The following MCC variants were observed in gnomAD, a reference collection of about 807,000 sequenced individuals.
MCC encodes MCC regulator of Wnt signaling pathway, also known as colorectal mutant cancer protein.
Under a neutral mutation model 116.2 loss-of-function variants are expected in MCC, and 90 were observed. The observed-to-expected ratio is 0.77, with a 90% CI of 0.65 to 0.92. The LOEUF is 0.92. MCC is among the 40% of genes least tolerant of loss of function. MCC has a pLI of 0.00. For missense variants in MCC, 1,516 were observed against 1,312.2 expected (o/e 1.16, Z -2.40); for synonymous variants, 578 against 510.5 (o/e 1.13, Z -1.78).
chr5:113,135,489 G>A (rs1758759252), intron 5 of MCC, among the ~76,000 whole-genome samples: 2 of 148,520 alleles, frequency 1.3e-5, no homozygotes, highest in African/African-American at 4.9e-5. Context: ...AACCTGGGAG[G>A]TGGAGCTTGA....
At chr5:113,123,472 G>T (rs1258356213) in intron 5 of MCC, among the ~76,000 whole-genome samples, 3 of 152,166 alleles carry the variant, frequency 2.0e-5, no homozygotes, top group African/African-American at 7.2e-5. Context: ...CCATTCAATG[G>T]TCTATTTCCT....
chr5:113,151,287 A>G (rs749202938), intron 4 of MCC, 22 bp downstream of exon 4: 1 of 1,474,504 alleles, frequency 6.8e-7, no homozygotes, highest in East Asian at 2.3e-5. Context: ...AAGCAAACTA[A>G]AAACCTTTCC....
At chr5:113,226,542 T>G (rs1051081984) in intron 3 of MCC, among the ~76,000 whole-genome samples, 80 of 152,376 alleles carry the variant, frequency 5.3e-4, no homozygotes, top group African/African-American at 1.9e-3. Flanking sequence ...TGTGTTTAAA[T>G]GCCACAACAT....
At chr5:113,109,382 T>G (rs903542700) in intron 6 of MCC, among the ~76,000 whole-genome samples, 1 of 152,156 alleles carries the variant, frequency 6.6e-6, no homozygotes, top group Non-Finnish European at 1.5e-5. Context: ...CCTGAAAACA[T>G]TATACTAATT....
At chr5:113,248,653 G>C (rs1304840258) in intron 3 of MCC, among the ~76,000 whole-genome samples, 1 of 152,146 alleles carries the variant, frequency 6.6e-6, no homozygotes, top group African/African-American at 2.4e-5. Context: ...CATAGTTCAA[G>C]TCTGGTTCGT....
intron 1 of MCC, among the ~76,000 whole-genome samples, chr5:113,469,389 T>C (rs1365600148): frequency 6.6e-6 from 1 of 152,214 alleles, no homozygotes; most frequent in Non-Finnish European, 1.5e-5. Flanking sequence ...TGTGTCTTTG[T>C]TCTCGTTGGT....
intron 5 of MCC, among the ~76,000 whole-genome samples, chr5:113,136,555 G>A (rs1463504469): frequency 6.6e-6 from 1 of 152,050 alleles, no homozygotes; most frequent in South Asian, 2.1e-4. Context: ...TGCTAGGAGT[G>A]CAAGCAAGGA....
Position 113,069,675 on chromosome 5 carries a change from TA to T in MCC, c.1925+1418del, listed in dbSNP as rs527903093. Among the ~76,000 whole-genome samples, 524 of 152,312 alleles carry T rather than the reference TA, an allele frequency of 3.4e-3. 3 individuals are homozygous for T. The highest frequency in any genetic ancestry group is 5.5e-3 in the Non-Finnish European group (371 of 68,024). On this transcript the variant is annotated intron_variant, in intron 12 of 18. Transcript: ENST00000408903. ...GCTCCGCCTCCCAGGTTCACGCCATTATCCTGCCTCAGCCTCCCGCCTCAGC... is the reference window on the plus strand; with the variant it reads ...GCTCCGCCTCCCAGGTTCACGCCATTTCCTGCCTCAGCCTCCCGCCTCAGC...
intron 3 of MCC, among the ~76,000 whole-genome samples, chr5:113,151,728 A>T (rs1759888632): frequency 6.6e-6 from 1 of 152,176 alleles, no homozygotes; most frequent in Non-Finnish European, 1.5e-5. Flanking sequence ...CTCAGTGAGG[A>T]TGAGCCTGAC....
intron 6 of MCC, 87 bp from the exon 7 acceptor site, chr5:113,104,442 G>A (rs1756616438): frequency 8.3e-7 from 1 of 1,200,758 alleles, no homozygotes; most frequent in African/African-American, 1.5e-5. Context: ...TCAGGTAATG[G>A]GATGGCAATG....
chr5:113,213,616 C>A (rs778470602), intron 3 of MCC, among the ~76,000 whole-genome samples: 2 of 152,190 alleles, frequency 1.3e-5, no homozygotes, highest in Non-Finnish European at 2.9e-5. Flanking sequence ...GACAACCTCA[C>A]GTCAAAGCAC....
intron 5 of MCC, among the ~76,000 whole-genome samples, chr5:113,124,993 G>T (rs866933899): frequency 6.6e-6 from 1 of 152,198 alleles, no homozygotes; most frequent in East Asian, 1.9e-4. Context: ...TCACAAGTGT[G>T]GAATAGCACA....
At chr5:113,151,905 A>AG (rs1667707938) in intron 3 of MCC, among the ~76,000 whole-genome samples, 1 of 142,670 alleles carries the variant, frequency 7.0e-6, no homozygotes, top group African/African-American at 2.6e-5. Flanking sequence ...CTGAGCATTA[A>AG]GGGGAAAAAA....
chr5:113,114,089 A>G (rs1757259656), intron 6 of MCC, among the ~76,000 whole-genome samples: 1 of 152,026 alleles, frequency 6.6e-6, no homozygotes, highest in Non-Finnish European at 1.5e-5. Context: ...AATGGCTTAG[A>G]AAAAAACGTA....
intron 1 of MCC, among the ~76,000 whole-genome samples, chr5:113,454,643 A>G (rs944391229): frequency 6.6e-6 from 1 of 152,224 alleles, no homozygotes. Flanking sequence ...ATGTTCCCAC[A>G]TTATCAGCAT....
At chr5:113,049,391 T>A in intron 15 of MCC, 92 bp from the exon 16 acceptor site, 1 of 1,062,034 alleles carries the variant, frequency 9.4e-7, no homozygotes, top group Non-Finnish European at 1.3e-6. Context: ...GGTCCCCGGC[T>A]ATGACCCACA....
In MCC at chr5:113,301,804, T is replaced by G. The variant is rs115264261; in HGVS notation, c.627+38715A>C. ...TTCAAGTTTTTATTTAATTGAAATT[T>G]AAGCTCATTATAATAGTTTACTAGC... On this transcript the variant is annotated intron_variant, in intron 3 of 18. Coordinates refer to ENST00000408903, the MANE Select transcript of MCC (RefSeq NM_001085377.2). Among the ~76,000 whole-genome samples, 1,008 of 152,330 alleles carry G rather than the reference T, an allele frequency of 6.6e-3. 5 individuals carry two copies. Among genetic ancestry groups the G allele is most frequent in the East Asian group, 0.023 (118 of 5,188 alleles).
intron 3 of MCC, among the ~76,000 whole-genome samples, chr5:113,166,121 C>T (rs1452278129): frequency 6.6e-6 from 1 of 152,162 alleles, no homozygotes; most frequent in Non-Finnish European, 1.5e-5. Flanking sequence ...GTAGACATAG[C>T]ACTAGGATGC....
At position 113,026,898 on chromosome 5, in the gene MCC, A is replaced by G. The variant is rs950312578; in HGVS notation, c.*404T>C. The G allele has an allele frequency of 2.4e-5, 4 of 164,164 alleles. No homozygotes were observed. The highest frequency in any genetic ancestry group is 9.5e-5 in the African/African-American group (4 of 41,928). 10.2% of individuals were successfully genotyped at this position (164,164 alleles called of 1,614,324 possible). ...AGCAGGAGGAAAGAGGAGAAACGAG[A>G]TTCTAGAAGATGAGCCCAGCATCTA... On this transcript the variant is annotated 3_prime_UTR_variant, in exon 19 of 19. Coordinates refer to ENST00000408903, the MANE Select transcript of MCC (RefSeq NM_001085377.2).
Sources: gnomAD v4.1 joint callset for allele counts (sites outside exome capture counted in the v4.1 genomes callset) on GRCh38, gnomAD v4.1.1 for gene constraint, MANE v1.5 for transcripts, NCBI Gene and HGNC (gene_info 2026-07-23, HGNC 2026-07-21) for gene names.